Variants in RASGRF2 observed in about 807,000 individuals in gnomAD.
The protein encoded by RASGRF2 is ras-specific guanine nucleotide-releasing factor 2.
In RASGRF2, 76 loss-of-function variants were observed where a neutral mutation model predicts 151.0. That is an observed-to-expected ratio of 0.50 (90% CI 0.42 to 0.61). The LOEUF (loss-of-function observed/expected upper bound fraction) is 0.61. Ranked by LOEUF, RASGRF2 falls within the 20% of genes least tolerant of loss-of-function variation. The probability of loss-of-function intolerance (pLI) is 0.00; values close to 1 mark genes in which losing one functional copy is unlikely to be tolerated. For missense variants in RASGRF2, 1,148 were observed against 1,564.6 expected, an observed-to-expected ratio of 0.73 and a Z score of 4.49; for synonymous variants, 504 against 566.5, an observed-to-expected ratio of 0.89 and a Z score of 1.57.
chr5:81,008,365 G>T (rs1261921832), intron 1 of RASGRF2, among the ~76,000 whole-genome samples: 1 of 151,792 alleles, frequency 6.6e-6, no homozygotes, highest in Non-Finnish European at 1.5e-5. Context: ...TGGTCAGGCT[G>T]GTCTCAAACT....
At chr5:81,044,528 C>G (rs1750777814) in intron 2 of RASGRF2, among the ~76,000 whole-genome samples, 1 of 152,184 alleles carries the variant, frequency 6.6e-6, no homozygotes. Flanking sequence ...CGTCTCACCT[C>G]TATTCTCCCT....
chr5:81,210,983 A>T (rs892298955), intron 22 of RASGRF2, among the ~76,000 whole-genome samples: 12 of 152,022 alleles, frequency 7.9e-5, no homozygotes, highest in African/African-American at 2.9e-4. Flanking sequence ...CTGTCTTTAT[A>T]AATACAAAAA....
chr5:80,974,202 G>A (rs1748035739), intron 1 of RASGRF2, among the ~76,000 whole-genome samples: 1 of 152,200 alleles, frequency 6.6e-6, no homozygotes, highest in Non-Finnish European at 1.5e-5. Flanking sequence ...AGTTCGATCA[G>A]CAGCCATGAT....
rs1754701059 is a variant in RASGRF2, at chr5:81,173,317, G to A, written c.2687-6858G>A. Among the ~76,000 whole-genome samples, 8 of 152,170 alleles carry A rather than the reference G, an allele frequency of 5.3e-5. No individual in the cohort carries two copies. In the South Asian group the frequency reaches 1.7e-3, roughly 32 times the overall value. ...TGCTTGAACCCGGGAGGCAGAGGTTGCAGTGAGCCAAGATCGTGCCATTGC... is the reference window on the plus strand; with the variant it reads ...TGCTTGAACCCGGGAGGCAGAGGTTACAGTGAGCCAAGATCGTGCCATTGC... On this transcript the variant is annotated intron_variant, in intron 17 of 26. Transcript: ENST00000265080.
At position 81,128,134 on chromosome 5, in the gene RASGRF2, G is replaced by T. The variant is rs557084412; in HGVS notation, c.2686+971G>T. 4.6e-5 allele frequency among the ~76,000 whole-genome samples: 7 copies of T among 152,168 alleles called. No individual in the cohort carries two copies. The South Asian group carries it at 1.5e-3, about 32-fold the overall frequency. ...ACTGGTGGTTACCAGGGGCTGGTGG[G>T]GAGGAAGGGAAGCGGGGAGCTGTTT... On this transcript the variant is annotated intron_variant, in intron 17 of 26. Transcript: ENST00000265080.
intron 17 of RASGRF2, among the ~76,000 whole-genome samples, chr5:81,163,300 G>A (rs1010781737): frequency 2.0e-5 from 3 of 152,082 alleles, no homozygotes; most frequent in African/African-American, 4.8e-5. Flanking sequence ...TAGGAAGTGC[G>A]ATTTCTAGCT....
At chr5:81,204,926 C>A (rs1039960957) in intron 19 of RASGRF2, among the ~76,000 whole-genome samples, 1 of 152,098 alleles carries the variant, frequency 6.6e-6, no homozygotes, top group Non-Finnish European at 1.5e-5. Flanking sequence ...AAGATATTAC[C>A]CAGCTTCATA....
At chr5:81,127,433 A>G (rs74646174) in intron 17 of RASGRF2, among the ~76,000 whole-genome samples, 2,850 of 151,872 alleles carry the variant, frequency 0.019, 84 homozygotes, top group African/African-American at 0.065. Context: ...TGAGGCAGAA[A>G]AATCACTTGA....
chr5:81,047,364 C>G (rs1750868668), intron 2 of RASGRF2, among the ~76,000 whole-genome samples: 1 of 152,142 alleles, frequency 6.6e-6, no homozygotes, highest in Non-Finnish European at 1.5e-5. Context: ...ATTGGGAAAA[C>G]AGATATTGAG....
At chr5:81,145,777 C>T (rs1406463605) in intron 17 of RASGRF2, among the ~76,000 whole-genome samples, 2 of 152,160 alleles carry the variant, frequency 1.3e-5, no homozygotes, top group African/African-American at 2.4e-5. Flanking sequence ...GCCGCATGGC[C>T]CTGAGCCCGA....
At chr5:80,972,492 T>C (rs2112220583) in intron 1 of RASGRF2, among the ~76,000 whole-genome samples, 1 of 151,994 alleles carries the variant, frequency 6.6e-6, no homozygotes, top group South Asian at 2.1e-4. Context: ...TCTGTTTTTT[T>C]CTTCTGAGCC....
chr5:81,029,104 G>T (rs1448828454), intron 1 of RASGRF2, among the ~76,000 whole-genome samples: 1 of 152,196 alleles, frequency 6.6e-6, no homozygotes, highest in African/African-American at 2.4e-5. Flanking sequence ...CTGGGGTAGG[G>T]GTGTCTGCCA....
At chr5:81,194,173 C>G (rs1755209825) in intron 18 of RASGRF2, among the ~76,000 whole-genome samples, 1 of 132,996 alleles carries the variant, frequency 7.5e-6, no homozygotes, top group Admixed American at 7.8e-5. Flanking sequence ...GAGAGAGCCC[C>G]ATCTCTAAAA....
chr5:80,969,520 C>T (rs544388982), intron 1 of RASGRF2, among the ~76,000 whole-genome samples: 2 of 151,136 alleles, frequency 1.3e-5, no homozygotes, highest in South Asian at 4.2e-4. Context: ...GCGATCTTGG[C>T]TCACTGCAAG....
rs1276897274 is a variant in RASGRF2 at position 81,128,348 on chromosome 5, C to T, written c.2686+1185C>T. On this transcript the variant is annotated intron_variant, in intron 17 of 26. Transcript: ENST00000265080. ...TAGTTAGCTTGACTTAATCATTCTT[C>T]AGTATATACGTACATCAAAACATCA... is the stretch of plus-strand genomic sequence containing the variant. Among the ~76,000 whole-genome samples, 3 of 152,302 alleles carry T rather than the reference C, an allele frequency of 2.0e-5. No homozygotes were observed. In the East Asian group the frequency reaches 5.8e-4, roughly 29 times the overall value.
At chr5:81,206,451 G>A (rs1343830656) in intron 19 of RASGRF2, among the ~76,000 whole-genome samples, 1 of 152,142 alleles carries the variant, frequency 6.6e-6, no homozygotes, top group Admixed American at 6.5e-5. Flanking sequence ...CCCACGGTAG[G>A]GGATAGAGGT....
intron 24 of RASGRF2, among the ~76,000 whole-genome samples, chr5:81,216,445 T>G (rs535973277): frequency 1.3e-5 from 2 of 151,790 alleles, no homozygotes; most frequent in African/African-American, 4.8e-5. Context: ...GGTATTCTCA[T>G]GATCTACCAC....
intron 18 of RASGRF2, among the ~76,000 whole-genome samples, chr5:81,181,800 C>A (rs1181620801): frequency 6.6e-6 from 1 of 152,142 alleles, no homozygotes; most frequent in Non-Finnish European, 1.5e-5. Context: ...CCAGAGCCCT[C>A]CAGCCTTGGT....
chr5:81,038,764 T>C (rs404361), intron 1 of RASGRF2, among the ~76,000 whole-genome samples: 22,499 of 151,806 alleles, frequency 0.15, 2,111 homozygotes, highest in Admixed American at 0.24. Flanking sequence ...TCTGTAGAGA[T>C]GGGGCTTTGC....
Sources: allele counts gnomAD v4.1 joint callset (sites outside exome capture counted in the v4.1 genomes callset), GRCh38; gene constraint gnomAD v4.1.1; transcripts MANE v1.5; gene names NCBI Gene and HGNC (gene_info 2026-07-23, HGNC 2026-07-21).